The following CILK1 variants were observed in gnomAD, a reference collection of about 807,000 sequenced individuals.
The protein encoded by CILK1 is serine/threonine-protein kinase ICK.
A neutral mutation model predicts 79.2 loss-of-function variants in CILK1; 47 were observed. The observed-to-expected ratio is 0.59, with a 90% confidence interval of 0.47 to 0.76. CILK1 has a LOEUF of 0.76. CILK1 is among the 30% of genes least tolerant of loss of function. CILK1 has a pLI of 0.00. For missense variants in CILK1, 660 were observed against 769.5 expected (o/e 0.86, Z 1.68); for synonymous variants, 266 against 275.9 (o/e 0.96, Z 0.36).
chr6:53,022,138 A>G (rs1765282403), intron 5 of CILK1, among the ~76,000 whole-genome samples: 1 of 152,222 alleles, frequency 6.6e-6, no homozygotes, highest in Admixed American at 6.5e-5. Context: ...AAAAGAGTCA[A>G]AAAGTTAAAA....
In CILK1 at chr6:53,005,253, G is replaced by C. The variant is rs773417572; in HGVS notation, c.1795C>G (p.His599Asp). 6.2e-7 allele frequency: 1 copy of C among 1,614,198 alleles called. No homozygotes were observed. Among genetic ancestry groups the C allele is most frequent in the Non-Finnish European group, 8.5e-7 (1 of 1,180,024 alleles). ...CCAGGAGTGCTTCTAGGCTGGGTGT[G>C]GAAGAATGGTCGCCCAGGATGAGGT... ...MRPHPGRPFF[H>D]TQPRSTPGLI... Residue 599 changes from histidine (H) to aspartate (D), a missense_variant, in exon 14 of 14, where the codon CAC becomes GAC. Coordinates refer to ENST00000676107, the MANE Select transcript of CILK1 (RefSeq NM_014920.5).
At chr6:53,010,700 C>T (rs1764523195) in intron 11 of CILK1, among the ~76,000 whole-genome samples, 1 of 152,182 alleles carries the variant, frequency 6.6e-6, no homozygotes, top group Admixed American at 6.5e-5. Context: ...GCTCTCTGCA[C>T]ATTTGGTTCC....
chr6:53,015,192 A>G (rs1052506105), intron 8 of CILK1, among the ~76,000 whole-genome samples: 5 of 152,238 alleles, frequency 3.3e-5, no homozygotes, highest in Non-Finnish European at 5.9e-5. Flanking sequence ...TTCTCTGATT[A>G]GAATTGGTCA....
chr6:53,038,550 C>T (rs906329067), intron 2 of CILK1, among the ~76,000 whole-genome samples: 2 of 152,224 alleles, frequency 1.3e-5, no homozygotes, highest in Admixed American at 1.3e-4. Context: ...CAAAACCTCA[C>T]CACCATCTGT....
rs113315648 is a variant in CILK1 at position 53,016,224 on chromosome 6, A to G, written c.690T>C (p.Leu230=). The G allele has an allele frequency of 1.9e-3, 3,024 of 1,614,064 alleles. 63 individuals carry two copies. The African/African-American group carries it at 0.034, about 18-fold the overall frequency. Residue 230 remains leucine (L), a synonymous_variant, in exon 8 of 14, where the codon CTT becomes CTC. Coordinates refer to ENST00000676107, the MANE Select transcript of CILK1 (RefSeq NM_014920.5). ...KKTDWPEGYQ[L]SSAMNFRWPQ... ...GCCAACGGAAGTTCATTGCACTTGA[A>G]AGTTGATAGCCTTCAGGCCAGTCAG...
At chr6:53,051,502 A>C (rs1041914980) in intron 1 of CILK1, among the ~76,000 whole-genome samples, 5 of 151,626 alleles carry the variant, frequency 3.3e-5, no homozygotes. Context: ...GGTTGCAAGC[A>C]CTCCTTGGCT....
At chr6:53,032,470 AAAG>A in intron 4 of CILK1, 60 bp downstream of exon 4, 2 of 1,168,674 alleles carry the variant, frequency 1.7e-6, no homozygotes, top group Non-Finnish European at 2.3e-6. Context: ...ACAAAAGCAG[AAAG>A]AAAACACATC....
chr6:53,028,839 G>T (rs1158163129), intron 5 of CILK1, among the ~76,000 whole-genome samples: 1 of 151,916 alleles, frequency 6.6e-6, no homozygotes, highest in South Asian at 2.1e-4. Context: ...GTGTGTGTGT[G>T]TGTGTAAGAT....
chr6:53,052,840 C>T (rs181690931), intron 1 of CILK1, among the ~76,000 whole-genome samples: 7 of 151,954 alleles, frequency 4.6e-5, no homozygotes, highest in Non-Finnish European at 1.0e-4. Flanking sequence ...TAGCCCTTCA[C>T]GGTAATAAGA....
intron 5 of CILK1, among the ~76,000 whole-genome samples, chr6:53,020,758 A>G (rs1581701505): frequency 6.6e-6 from 1 of 152,240 alleles, no homozygotes; most frequent in African/African-American, 2.4e-5. Context: ...ATCACTGAAG[A>G]TCTACACGAT....
In CILK1 at chr6:53,013,767, G is replaced by A. The variant is rs1764728380; in HGVS notation, c.1047C>T (p.Tyr349=). 6.2e-7 allele frequency: 1 copy of A among 1,614,120 alleles called. No individual in the cohort carries two copies. The highest frequency in any genetic ancestry group is 2.2e-5 in the East Asian group (1 of 44,882). The change falls in exon 9 of 14, where the codon TAC becomes TAT. Residue 349 remains tyrosine, a synonymous_variant. Coordinates refer to ENST00000676107, the MANE Select transcript of CILK1 (RefSeq NM_014920.5). ...QASQPPLHLT[Y]PYKAEVSRTD... is the part of the protein sequence containing the mutation. ...TCCTGGAGACCTCTGCTTTGTAGGG[G>A]TACGTGAGATGCAGAGGGGGCTGGC...
intron 5 of CILK1, among the ~76,000 whole-genome samples, chr6:53,026,154 T>C (rs1269366000): frequency 1.3e-5 from 2 of 152,060 alleles, no homozygotes; most frequent in Non-Finnish European, 2.9e-5. Context: ...AGCTTTTTTG[T>C]TTGTTTGTTT....
rs1281883281 is a variant in CILK1, at chr6:53,001,600, T to C, written c.*3549A>G. ...AAAATTCACATTAGCACAGTGTCTA[T>C]GAGAAATTGATAATACAGATTAATG... On this transcript the variant is annotated 3_prime_UTR_variant, in exon 14 of 14. Coordinates refer to ENST00000676107, the MANE Select transcript of CILK1 (RefSeq NM_014920.5). 6.5e-6 allele frequency: 1 copy of C among 152,676 alleles called. No individual in the cohort carries two copies. Among genetic ancestry groups the C allele is most frequent in the African/African-American group, 2.4e-5 (1 of 41,456 alleles). 9.5% of individuals were successfully genotyped at this position (152,676 alleles called of 1,614,324 possible).
intron 7 of CILK1, among the ~76,000 whole-genome samples, chr6:53,016,825 G>A (rs558010578): frequency 1.3e-5 from 2 of 152,284 alleles, no homozygotes; most frequent in South Asian, 4.1e-4. Flanking sequence ...TAAAGAAATG[G>A]TCTTTAAGGT....
chr6:53,041,976 G>A (rs1409380912), intron 1 of CILK1, among the ~76,000 whole-genome samples: 1 of 151,820 alleles, frequency 6.6e-6, no homozygotes, highest in African/African-American at 2.4e-5. Flanking sequence ...TATTCAAAGT[G>A]TTTTAGTCTT....
At chr6:53,011,203 C>T (rs1160112019) in intron 11 of CILK1, among the ~76,000 whole-genome samples, 1 of 152,138 alleles carries the variant, frequency 6.6e-6, no homozygotes, top group Admixed American at 6.5e-5. Flanking sequence ...AGAGGGGCCT[C>T]AGACATGCCG....
chr6:53,051,345 G>C (rs1444995993), intron 1 of CILK1, among the ~76,000 whole-genome samples: 1 of 152,182 alleles, frequency 6.6e-6, no homozygotes, highest in African/African-American at 2.4e-5. Context: ...TCACAAAGTT[G>C]GTGGCTGAAA....
At chr6:53,006,192 T>G in intron 13 of CILK1, 123 bp downstream of exon 13, 2 of 859,812 alleles carry the variant, frequency 2.3e-6, no homozygotes, top group Non-Finnish European at 3.8e-6. Context: ...AGCTTACTTA[T>G]TGTCTGTAGA....
rs1764000293 is a variant in CILK1 at position 53,002,732 on chromosome 6, G to C, written c.*2417C>G. 1 of 152,118 alleles carries C rather than the reference G, an allele frequency of 6.6e-6. No individual in the cohort carries two copies. The highest frequency in any genetic ancestry group is 2.4e-5 in the African/African-American group (1 of 41,414). The allele number at this position is 152,118 out of a possible 1,614,324, so 9.4% of individuals were successfully genotyped here. A position where few individuals can be genotyped will look rare whatever the true frequency, so the allele number is the denominator to read the frequency against. On this transcript the variant is annotated 3_prime_UTR_variant, in exon 14 of 14. Transcript: ENST00000676107. ...TATGAATATGTGTTTGGCTTCCCCA[G>C]GGAAGTTGCTTGCTGGTAAACAAAC...
Sources: gnomAD v4.1 joint callset for allele counts (sites outside exome capture counted in the v4.1 genomes callset) on GRCh38, gnomAD v4.1.1 for gene constraint, MANE v1.5 for transcripts, NCBI Gene and HGNC (gene_info 2026-07-23, HGNC 2026-07-21) for gene names.